DSCAML1: variants seen among roughly 807,000 people sequenced by gnomAD.
The protein encoded by DSCAML1 is cell adhesion molecule DSCAML1.
DSCAML1 carries 38 observed loss-of-function variants against 200.5 expected under a neutral mutation model. The observed-to-expected ratio is 0.19, with a 90% CI of 0.15 to 0.25. The LOEUF (loss-of-function observed/expected upper bound fraction) is 0.25. Ranked by LOEUF, DSCAML1 falls within the 10% of genes least tolerant of loss-of-function variation. The pLI, the probability that DSCAML1 is intolerant of heterozygous loss-of-function variation, is 1.00. For synonymous variants in DSCAML1, 1,215 were observed against 1,165.0 expected, an observed-to-expected ratio of 1.04 and a Z score of -0.87; for missense variants, 2,223 against 2,858.8, an observed-to-expected ratio of 0.78 and a Z score of 5.07.
intron 3 of DSCAML1, among the ~76,000 whole-genome samples, chr11:117,672,640 A>G (rs1480591739): frequency 6.6e-6 from 1 of 152,218 alleles, no homozygotes. Flanking sequence ...CACACATGGC[A>G]TACGTGTTCC....
At chr11:117,555,092 G>C (rs1292897367) in intron 3 of DSCAML1, among the ~76,000 whole-genome samples, 6 of 152,002 alleles carry the variant, frequency 3.9e-5, no homozygotes, top group African/African-American at 1.4e-4. Context: ...TCCTTTTTTT[G>C]GCCAGACAGC....
chr11:117,631,779 A>G (rs567484341), intron 3 of DSCAML1, among the ~76,000 whole-genome samples: 3 of 152,178 alleles, frequency 2.0e-5, no homozygotes, highest in Non-Finnish European at 4.4e-5. Flanking sequence ...CCTACTTTCG[A>G]GGCTTCTTCC....
At chr11:117,530,781 A>G (rs1210028627) in intron 4 of DSCAML1, among the ~76,000 whole-genome samples, 4 of 152,172 alleles carry the variant, frequency 2.6e-5, no homozygotes, top group Non-Finnish European at 4.4e-5. Flanking sequence ...CGGCAGAGGC[A>G]CACAGAATCA....
chr11:117,661,606 TCTTC>T (rs1284819260), intron 3 of DSCAML1, among the ~76,000 whole-genome samples: 5 of 152,186 alleles, frequency 3.3e-5, no homozygotes, highest in African/African-American at 1.2e-4. Context: ...GCTTAAATCG[TCTTC>T]CTTGTCTGCC....
intron 3 of DSCAML1, among the ~76,000 whole-genome samples, chr11:117,622,946 CT>C (rs1263604252): frequency 1.3e-5 from 2 of 152,146 alleles, no homozygotes; most frequent in Non-Finnish European, 2.9e-5. Flanking sequence ...TATAAATGCT[CT>C]TCTACTGGGC....
At chr11:117,531,562 A>C (rs1389355963) in intron 4 of DSCAML1, among the ~76,000 whole-genome samples, 3 of 152,160 alleles carry the variant, frequency 2.0e-5, no homozygotes, top group African/African-American at 7.2e-5. Flanking sequence ...GGCCTATGAC[A>C]AAAGATACAT....
chr11:117,668,491 T>G (rs535936041), intron 3 of DSCAML1: 17 of 152,308 alleles, frequency 1.1e-4, no homozygotes, highest in Admixed American at 9.8e-4. Flanking sequence ...CATTGGTTGT[T>G]TTTGTGCCTC....
chr11:117,795,934 A>G (rs1238484406), intron 1 of DSCAML1, among the ~76,000 whole-genome samples: 1 of 152,126 alleles, frequency 6.6e-6, no homozygotes, highest in African/African-American at 2.4e-5. Context: ...CCGGGGCGAG[A>G]AGGAGAAAAG....
intron 11 of DSCAML1, among the ~76,000 whole-genome samples, chr11:117,494,559 C>T (rs531593883): frequency 4.6e-5 from 7 of 152,344 alleles, no homozygotes; most frequent in Admixed American, 1.3e-4. Flanking sequence ...TTGTCAATAA[C>T]AGATCACCGG....
At chr11:117,789,912 G>GA (rs1401642830) in intron 1 of DSCAML1, among the ~76,000 whole-genome samples, 1 of 152,300 alleles carries the variant, frequency 6.6e-6, no homozygotes, top group Non-Finnish European at 1.5e-5. Flanking sequence ...AGTGAAGACA[G>GA]AAAAAGACAC....
intron 3 of DSCAML1, among the ~76,000 whole-genome samples, chr11:117,760,077 G>A (rs537552370): frequency 1.7e-4 from 26 of 152,102 alleles, no homozygotes; most frequent in Admixed American, 1.4e-3. Flanking sequence ...TCCTATCTCC[G>A]CACTCCCATT....
intron 3 of DSCAML1, among the ~76,000 whole-genome samples, chr11:117,571,096 G>A (rs1379761072): frequency 6.6e-6 from 1 of 152,248 alleles, no homozygotes; most frequent in Non-Finnish European, 1.5e-5. Flanking sequence ...TCATTATGGA[G>A]ACGAGCAGAG....
intron 1 of DSCAML1, among the ~76,000 whole-genome samples, chr11:117,809,600 G>A (rs939545847): frequency 2.0e-5 from 3 of 152,188 alleles, no homozygotes; most frequent in Admixed American, 6.5e-5. Flanking sequence ...GTCATGTCTC[G>A]CAGTGAAGCC....
At chr11:117,470,838 T>C (rs554000318) in intron 15 of DSCAML1, among the ~76,000 whole-genome samples, 105 of 152,166 alleles carry the variant, frequency 6.9e-4, no homozygotes, top group African/African-American at 2.5e-3. Context: ...ATGACATGAA[T>C]GAAACTTGCA....
At chr11:117,482,260 C>T in intron 11 of DSCAML1, 98 bp from the exon 12 acceptor site, 5 of 1,388,930 alleles carry the variant, frequency 3.6e-6, no homozygotes, top group South Asian at 2.5e-5. Flanking sequence ...CAGCCCTCCT[C>T]CCCCAGGAGA....
chr11:117,749,292 A>T (rs1194502645), intron 3 of DSCAML1, among the ~76,000 whole-genome samples: 1 of 152,150 alleles, frequency 6.6e-6, no homozygotes, highest in East Asian at 1.9e-4. Context: ...CACACCATAC[A>T]CAAACAATCT....
intron 1 of DSCAML1, among the ~76,000 whole-genome samples, chr11:117,814,592 G>A (rs112935719): frequency 1.3e-5 from 2 of 152,230 alleles, no homozygotes; most frequent in Non-Finnish European, 2.9e-5. Flanking sequence ...TATGGAGGGT[G>A]CACTAAGTGC....
intron 3 of DSCAML1, among the ~76,000 whole-genome samples, chr11:117,584,756 C>G (rs2051110274): frequency 6.6e-6 from 1 of 152,174 alleles, no homozygotes; most frequent in Non-Finnish European, 1.5e-5. Flanking sequence ...TTGCTTGCTA[C>G]ATTTGAACAG....
At chr11:117,658,203 G>A (rs771901572) in intron 3 of DSCAML1, among the ~76,000 whole-genome samples, 5 of 152,272 alleles carry the variant, frequency 3.3e-5, no homozygotes, top group Middle Eastern at 3.4e-3. Context: ...AGGAGCCACC[G>A]TGAGGTCCCT....
Sources: gnomAD v4.1 joint callset for allele counts (sites outside exome capture counted in the v4.1 genomes callset) on GRCh38, gnomAD v4.1.1 for gene constraint, MANE v1.5 for transcripts, NCBI Gene and HGNC (gene_info 2026-07-23, HGNC 2026-07-21) for gene names.